TEX15: variants seen among roughly 807,000 people sequenced by gnomAD.
TEX15 encodes testis expressed 15, meiosis and synapsis associated, also known as testis-expressed protein 15.
In TEX15, 171 loss-of-function variants were observed where a neutral mutation model predicts 237.3. The ratio of observed to expected loss-of-function variants is 0.72; its 90% CI spans 0.64 to 0.82. The LOEUF is 0.82. Ranked by LOEUF, TEX15 falls within the 40% of genes least tolerant of loss-of-function variation. The pLI is 0.00. For synonymous variants in TEX15, 1,338 were observed against 1,269.8 expected (o/e 1.05, Z -1.14); for missense variants, 3,750 against 3,646.5 (o/e 1.03, Z -0.73).
chr8:30,869,688 C>T (rs1808248511), intron 4 of TEX15, among the ~76,000 whole-genome samples: 1 of 152,128 alleles, frequency 6.6e-6, no homozygotes, highest in African/African-American at 2.4e-5. Flanking sequence ...TTAAAGCTAG[C>T]TTGGGGAGAC....
intron 2 of TEX15, among the ~76,000 whole-genome samples, chr8:30,895,426 T>C (rs964160541): frequency 2.0e-5 from 3 of 152,034 alleles, no homozygotes; most frequent in African/African-American, 7.2e-5. Flanking sequence ...CAAGCTTTGT[T>C]GAAGGGTCAG....
intron 1 of TEX15, among the ~76,000 whole-genome samples, chr8:30,911,151 G>A (rs1184607427): frequency 4.0e-5 from 6 of 151,780 alleles, no homozygotes; most frequent in Non-Finnish European, 8.8e-5. Context: ...ACAGAGTCTC[G>A]CTCTGTCGCC....
chr8:30,844,238 G>A lies in TEX15; in HGVS notation c.5929C>T (p.Pro1977Ser). 1.2e-6 allele frequency: 2 copies of A among 1,612,600 alleles called. No individual in the cohort carries two copies. The highest frequency in any genetic ancestry group is 2.2e-5 in the East Asian group (1 of 44,864). Residue 1977 changes from proline (P) to serine (S), a missense_variant, in exon 8 of 11, where the codon CCT becomes TCT. Transcript: ENST00000643185. The stretch of plus-strand genomic sequence containing the variant: ...TTAAAATCACTCACGTATGACGCAG[G>A]TTTCTTCAGAAGAGTAGGGACTTTA... The part of the protein sequence containing the change: ...TCKVPTLLKK[P>S]ASYVSDFKEK...
At chr8:30,903,942 G>T (rs1323553429) in intron 1 of TEX15, among the ~76,000 whole-genome samples, 1 of 152,182 alleles carries the variant, frequency 6.6e-6, no homozygotes, top group Admixed American at 6.5e-5. Flanking sequence ...CAAACTGAGT[G>T]TATTCTCTGC....
At chr8:30,887,588 TAGG>T (rs897206477) in intron 2 of TEX15, 63 of 201,294 alleles carry the variant, frequency 3.1e-4, no homozygotes, top group Non-Finnish European at 7.0e-5. Flanking sequence ...CACTTGAGGC[TAGG>T]AGTTTGAGAC....
At chr8:30,892,751 T>C (rs1195434590) in intron 2 of TEX15, among the ~76,000 whole-genome samples, 1 of 152,188 alleles carries the variant, frequency 6.6e-6, no homozygotes, top group African/African-American at 2.4e-5. Flanking sequence ...AATGATGTTG[T>C]AGCTGGGCGC....
At chr8:30,852,086 T>C (rs1041141724) in intron 7 of TEX15, among the ~76,000 whole-genome samples, 3 of 150,254 alleles carry the variant, frequency 2.0e-5, no homozygotes, top group Non-Finnish European at 4.4e-5. Context: ...GTGCCTTATG[T>C]ACATTAATTT....
chr8:30,844,318 G>A lies in TEX15; in HGVS notation c.5849C>T (p.Pro1950Leu). ...LHSEIAYISK[P>L]GILGVNHTPI... The stretch of plus-strand genomic sequence containing the variant: ...CGTATGATTAACTCCTAGAATTCCT[G>A]GTTTGGAAATATAGGCTATTTCTGA... Residue 1950 changes from proline (P) to leucine (L), a missense_variant, in exon 8 of 11, where the codon CCA (proline) becomes CTA (leucine). Pro to Leu is a moderately conservative substitution (Grantham distance 98). Transcript: ENST00000643185. 2 of 1,613,206 alleles carry A rather than the reference G, an allele frequency of 1.2e-6. No individual in the cohort carries two copies. Among genetic ancestry groups the A allele is most frequent in the South Asian group, 1.1e-5 (1 of 90,954 alleles).
At position 30,867,355 on chromosome 8, in the gene TEX15, A is replaced by G. The variant is rs555378794; in HGVS notation, c.450T>C (p.Leu150=). ...CATGTCTAAACATATAAATTCCAAG[A>G]AGAGGATTTCCTAGTATCTTCAATG... is the stretch of plus-strand genomic sequence containing the variant. The part of the protein sequence containing the change: ...ASTLKILGNP[L]LGIYMFRHVD... Residue 150 remains leucine (L), a synonymous_variant, in exon 5 of 11, where the codon CTT becomes CTC. Coordinates refer to ENST00000643185, the MANE Select transcript of TEX15 (RefSeq NM_001350162.2). 2.1e-5 allele frequency: 32 copies of G among 1,529,710 alleles called. No homozygotes were observed. The highest frequency in any genetic ancestry group is 1.7e-4 in the Middle Eastern group (1 of 5,964). The allele number at this position is 1,529,710 out of a possible 1,614,324, so 94.8% of individuals were successfully genotyped here. A position where few individuals can be genotyped will look rare whatever the true frequency, so the allele number is the denominator to read the frequency against.
Position 30,846,682 on chromosome 8 carries a change from T to C in TEX15, c.3485A>G (p.Asn1162Ser), listed in dbSNP as rs374900501. 1,147 of 1,613,612 alleles carry C rather than the reference T, an allele frequency of 7.1e-4. 20 individuals are homozygous for C. In the South Asian group the frequency reaches 0.012, roughly 17 times the overall value. The change falls in exon 8 of 11, where the codon AAT becomes AGT. Residue 1162 changes from asparagine to serine, a missense_variant. Coordinates refer to ENST00000643185, the MANE Select transcript of TEX15 (RefSeq NM_001350162.2). ...CGGGCTGAATCCTGGCCTAAATATATTAGTAATTTTAATTTGTAGATCTGG... is the reference window on the plus strand; with the variant it reads ...CGGGCTGAATCCTGGCCTAAATATACTAGTAATTTTAATTTGTAGATCTGG... ...LLPDLQIKITNIFRPGFSPTA... is the reference protein window; with the variant it reads ...LLPDLQIKITSIFRPGFSPTA...
chr8:30,865,050 A>T (rs928717319), intron 5 of TEX15, among the ~76,000 whole-genome samples: 24 of 152,150 alleles, frequency 1.6e-4, no homozygotes, highest in South Asian at 2.1e-4. Flanking sequence ...CTTTGTTTTT[A>T]AAAAAACAAA....
At chr8:30,862,746 C>G (rs1028364998) in intron 5 of TEX15, among the ~76,000 whole-genome samples, 6 of 152,124 alleles carry the variant, frequency 3.9e-5, no homozygotes, top group Non-Finnish European at 8.8e-5. Flanking sequence ...AAAGCTTAAC[C>G]AGAGTAAATC....
chr8:30,844,074 C>T lies in TEX15; in HGVS notation c.6093G>A (p.Val2031=). 1.2e-6 allele frequency: 2 copies of T among 1,611,794 alleles called. No homozygotes were observed. Among genetic ancestry groups the T allele is most frequent in the South Asian group, 1.1e-5 (1 of 90,486 alleles). Residue 2031 remains valine, a synonymous_variant, in exon 8 of 11, where the codon GTG becomes GTA. Transcript: ENST00000643185. ...KVCLNILPLF[V]EAFERKQECS... ...ATTCTTGCTTTCTTTCAAAAGCTTC[C>T]ACAAATAAAGGGAGAATATTTAGAC...
At chr8:30,841,155 A>G (rs1022445551) in intron 8 of TEX15, among the ~76,000 whole-genome samples, 1 of 152,158 alleles carries the variant, frequency 6.6e-6, no homozygotes, top group Non-Finnish European at 1.5e-5. Context: ...CCTGGACTCA[A>G]GCAGTCTGCC....
In TEX15 at chr8:30,848,158, T is replaced by G; in HGVS notation, c.2009A>C (p.Glu670Ala). The G allele has an allele frequency of 6.2e-7, 1 of 1,610,812 alleles. No individual in the cohort carries two copies. The highest frequency in any genetic ancestry group is 8.5e-7 in the Non-Finnish European group (1 of 1,179,078). Residue 670 changes from glutamate to alanine, a missense_variant, in exon 8 of 11, where the codon GAG (glutamate) becomes GCG (alanine). Physicochemically the swap from Glu to Ala is moderately radical, Grantham distance 107. Transcript: ENST00000643185. ...IVLHQEYKES[E>A]SHNSFGKSCD... The stretch of plus-strand genomic sequence containing the variant: ...GCTTTTCCCAAAAGAATTATGACTC[T>G]CACTCTCTTTGTATTCTTGGTGCAA...
chr8:30,864,063 T>C (rs1418943669), intron 5 of TEX15, among the ~76,000 whole-genome samples: 2 of 151,672 alleles, frequency 1.3e-5, no homozygotes, highest in South Asian at 2.1e-4. Flanking sequence ...GCTAAGTATG[T>C]GGAGATAGTA....
In TEX15 at chr8:30,839,898, A is replaced by G. The variant is rs149889016; in HGVS notation, c.8222+8T>C. The G allele has an allele frequency of 4.6e-4, 739 of 1,593,000 alleles. 4 individuals are homozygous for G. The East Asian group carries it at 0.014, about 31-fold the overall frequency. On this transcript the variant is annotated splice_region_variant and intron_variant, in intron 9 of 10. Coordinates refer to ENST00000643185, the MANE Select transcript of TEX15 (RefSeq NM_001350162.2). ...TTTTTTCCACATAGGGCTGATGGGAACTCCTACCTTGGATGCTTGAATGTT... is the reference window on the plus strand; with the variant it reads ...TTTTTTCCACATAGGGCTGATGGGAGCTCCTACCTTGGATGCTTGAATGTT...
intron 10 of TEX15, among the ~76,000 whole-genome samples, chr8:30,835,376 CTAAAAATTAAAAATAATAAAAA>C (rs1263564069): frequency 6.6e-5 from 10 of 151,700 alleles, no homozygotes; most frequent in Middle Eastern, 3.4e-3. Context: ...TCAGCCTCTA[CTAAAAATTAAAAATAATAAAAA>C]TAAAAATTAA....
intron 3 of TEX15, among the ~76,000 whole-genome samples, chr8:30,875,463 G>A (rs867855185): frequency 1.8e-4 from 28 of 152,330 alleles, no homozygotes; most frequent in African/African-American, 6.5e-4. Flanking sequence ...GCCAAGTAAA[G>A]ATAAGGCAAT....
Sources: allele counts gnomAD v4.1 joint callset (sites outside exome capture counted in the v4.1 genomes callset), GRCh38; gene constraint gnomAD v4.1.1; transcripts MANE v1.5; gene names NCBI Gene and HGNC (gene_info 2026-07-23, HGNC 2026-07-21).